The following TENM4 variants were observed in gnomAD, a reference collection of about 807,000 sequenced individuals.
TENM4 encodes the protein teneurin-4.
Under a neutral mutation model 243.3 loss-of-function variants are expected in TENM4, and 82 were observed. The observed-to-expected ratio is 0.34, with a 90% CI of 0.28 to 0.40. The LOEUF is 0.40. Ranked by LOEUF, TENM4 falls within the 10% of genes least tolerant of loss-of-function variation. The pLI is 1.00. For missense variants in TENM4, 3,138 were observed against 3,673.3 expected, an observed-to-expected ratio of 0.85 and a Z score of 3.77; for synonymous variants, 1,412 against 1,456.3, an observed-to-expected ratio of 0.97 and a Z score of 0.69.
At chr11:78,782,698 G>C (rs1205280245) in intron 16 of TENM4, among the ~76,000 whole-genome samples, 1 of 151,920 alleles carries the variant, frequency 6.6e-6, no homozygotes, top group Non-Finnish European at 1.5e-5. Flanking sequence ...CCTGGGAGGC[G>C]GAAGTTTCAG....
At chr11:78,810,436 G>A (rs940394264) in intron 14 of TENM4, among the ~76,000 whole-genome samples, 1 of 152,204 alleles carries the variant, frequency 6.6e-6, no homozygotes, top group Non-Finnish European at 1.5e-5. Flanking sequence ...GGTGGGATTG[G>A]AGGCAGCTCA....
intron 3 of TENM4, among the ~76,000 whole-genome samples, chr11:79,197,950 C>T (rs1863663957): frequency 6.6e-6 from 1 of 152,148 alleles, no homozygotes; most frequent in Admixed American, 6.5e-5. Flanking sequence ...AACACAGGCT[C>T]AGGGCATAGA....
chr11:78,708,014 T>A (rs150628740), intron 27 of TENM4, among the ~76,000 whole-genome samples: 1 of 152,366 alleles, frequency 6.6e-6, no homozygotes, highest in Non-Finnish European at 1.5e-5. Context: ...GAACAGGCAA[T>A]GTACAAATAC....
intron 6 of TENM4, among the ~76,000 whole-genome samples, chr11:78,948,606 C>A (rs905024406): frequency 6.6e-6 from 1 of 152,148 alleles, no homozygotes; most frequent in Admixed American, 6.5e-5. Flanking sequence ...CTCCTGACCT[C>A]GTGATCTGCC....
At chr11:78,907,762 T>G (rs1382402079) in intron 6 of TENM4, among the ~76,000 whole-genome samples, 1 of 152,232 alleles carries the variant, frequency 6.6e-6, no homozygotes, top group East Asian at 1.9e-4. Flanking sequence ...TTGGGCTTTT[T>G]GCCTGCACAA....
At chr11:79,308,414 G>A (rs1048590496) in intron 1 of TENM4, among the ~76,000 whole-genome samples, 11 of 151,896 alleles carry the variant, frequency 7.2e-5, no homozygotes, top group African/African-American at 2.7e-4. Context: ...TATCATAACC[G>A]TGAGGTAGTG....
At chr11:79,006,062 T>C (rs1388162864) in intron 6 of TENM4, among the ~76,000 whole-genome samples, 2 of 152,258 alleles carry the variant, frequency 1.3e-5, no homozygotes, top group East Asian at 1.9e-4. Flanking sequence ...GTAGGAACTC[T>C]ACCTGCTTTC....
chr11:78,700,426 G>A (rs2135760775), intron 28 of TENM4, among the ~76,000 whole-genome samples: 1 of 152,258 alleles, frequency 6.6e-6, no homozygotes, highest in South Asian at 2.1e-4. Flanking sequence ...AAATGCAGTG[G>A]TGTAGCTCCT....
At chr11:79,349,165 T>C (rs1364919089) in intron 1 of TENM4, among the ~76,000 whole-genome samples, 1 of 152,172 alleles carries the variant, frequency 6.6e-6, no homozygotes, top group Non-Finnish European at 1.5e-5. Flanking sequence ...TCCCTGACAC[T>C]GAGCACACCC....
chr11:79,199,799 T>C (rs1470731355), intron 3 of TENM4, among the ~76,000 whole-genome samples: 1 of 152,242 alleles, frequency 6.6e-6, no homozygotes, highest in Non-Finnish European at 1.5e-5. Context: ...AGTAATCCTC[T>C]GCTGCCTGTT....
At chr11:79,261,784 T>C (rs1280321036) in intron 2 of TENM4, among the ~76,000 whole-genome samples, 1 of 152,214 alleles carries the variant, frequency 6.6e-6, no homozygotes, top group African/African-American at 2.4e-5. Context: ...GGCTTCTTCC[T>C]CTGCAGCCTC....
At chr11:78,845,886 C>A (rs1185317655) in intron 12 of TENM4, among the ~76,000 whole-genome samples, 1 of 152,138 alleles carries the variant, frequency 6.6e-6, no homozygotes, top group African/African-American at 2.4e-5. Flanking sequence ...AGGATAGGAG[C>A]AGGGGTTCCT....
Position 78,937,604 on chromosome 11 carries a change from G to C in TENM4, c.494-34081C>G, listed in dbSNP as rs139604201. Among the ~76,000 whole-genome samples the C allele has an allele frequency of 6.5e-3, 996 of 152,298 alleles. 3 individuals are homozygous for C. The highest frequency in any genetic ancestry group is 0.01 in the Non-Finnish European group (707 of 68,024). On this transcript the variant is annotated intron_variant, in intron 6 of 33. Coordinates refer to ENST00000278550, the MANE Select transcript of TENM4 (RefSeq NM_001098816.3). ...TAGGTGTTAAATAAAATTTATAGGA[G>C]GCCATTGGTTTGGACTGAGCTCTTG...
chr11:78,677,774 CT>C (rs1273682441), intron 29 of TENM4, among the ~76,000 whole-genome samples: 3,079 of 145,260 alleles, frequency 0.021, 77 homozygotes, highest in African/African-American at 0.067. Flanking sequence ...AACTTAGATT[CT>C]TTTTTTTTTT....
intron 6 of TENM4, among the ~76,000 whole-genome samples, chr11:79,037,818 G>T (rs1460982494): frequency 2.0e-5 from 3 of 152,140 alleles, no homozygotes; most frequent in Admixed American, 2.0e-4. Context: ...CTAAATATAT[G>T]TATTTCTAAT....
intron 9 of TENM4, among the ~76,000 whole-genome samples, chr11:78,870,161 G>GA (rs1859086009): frequency 1.3e-5 from 2 of 152,230 alleles, no homozygotes; most frequent in South Asian, 4.1e-4. Context: ...AGGATTGAAT[G>GA]AGATAATGTA....
At chr11:79,351,327 C>T (rs974335054) in intron 1 of TENM4, among the ~76,000 whole-genome samples, 3 of 152,154 alleles carry the variant, frequency 2.0e-5, no homozygotes, top group Admixed American at 1.3e-4. Context: ...ATGCAAGCTC[C>T]ACAAGGACAC....
At chr11:78,688,367 C>T (rs1245941791) in intron 28 of TENM4, 141 bp from the exon 29 acceptor site, 48 of 912,052 alleles carry the variant, frequency 5.3e-5, no homozygotes, top group African/African-American at 1.0e-4. Context: ...TCCCACATAT[C>T]TTGCACAGGA....
chr11:78,890,817 A>C (rs1855648388), intron 8 of TENM4, among the ~76,000 whole-genome samples: 1 of 152,178 alleles, frequency 6.6e-6, no homozygotes, highest in Admixed American at 6.5e-5. Flanking sequence ...CCATGGGAGG[A>C]CTTGCACACA....
Sources: allele counts gnomAD v4.1 joint callset (sites outside exome capture counted in the v4.1 genomes callset), GRCh38; gene constraint gnomAD v4.1.1; transcripts MANE v1.5; gene names NCBI Gene and HGNC (gene_info 2026-07-23, HGNC 2026-07-21).